The following SLC39A3 variants were observed in gnomAD, a reference collection of about 807,000 sequenced individuals.
SLC39A3 encodes zinc transporter ZIP3.
In SLC39A3, 3 loss-of-function variants were observed where a neutral mutation model predicts 5.1. The ratio of observed to expected loss-of-function variants is 0.59; its 90% CI spans 0.27 to 1.54. SLC39A3 has a LOEUF of 1.54. SLC39A3 is among the 40% of genes most tolerant of loss of function. SLC39A3 has a pLI of 0.12. For synonymous variants in SLC39A3, 250 were observed against 218.8 expected (o/e 1.14, Z -1.26); for missense variants, 412 against 436.4 (o/e 0.94, Z 0.50).
At position 2,733,065 on chromosome 19, in the gene SLC39A3, C is replaced by T. The variant is rs748696095; in HGVS notation, c.631G>A (p.Val211Met). Residue 211 changes from valine to methionine, a missense_variant, in exon 3 of 3, where the codon GTG becomes ATG. By Grantham distance (21) the Val-to-Met change is conservative. Coordinates refer to ENST00000269740, the MANE Select transcript of SLC39A3 (RefSeq NM_144564.5). The surrounding 1 kb of genome is among the most constrained non-coding windows in gnomAD (Gnocchi z 6.1). The stretch of plus-strand genomic sequence containing the variant: ...ATGCTGATGCCCAGGGCCACGGCCA[C>T]CAGTGTCTCGTGGACGGCCACCCCC... Reference protein sequence around the residue: ...FVGVAVHETLVAVALGISMAR... With the variant: ...FVGVAVHETLMAVALGISMAR... The T allele has an allele frequency of 5.6e-6, 9 of 1,610,384 alleles. No homozygotes were observed. The East Asian group carries it at 1.3e-4, about 24-fold the overall frequency.
intron 1 of SLC39A3, chr19:2,739,483 T>TC (rs1914481187): frequency 1.3e-5 from 2 of 152,284 alleles, no homozygotes; most frequent in African/African-American, 4.8e-5. Context: ...CTCAGAGCTC[T>TC]CCCCGCCCCC....
At chr19:2,736,268 G>A (rs1471799519) in intron 2 of SLC39A3, 4 of 890,302 alleles carry the variant, frequency 4.5e-6, no homozygotes, top group Non-Finnish European at 5.4e-6. Flanking sequence ...AGTATGGGAA[G>A]GACTTGAACT....
chr19:2,736,917 T>C lies in SLC39A3; in HGVS notation c.210+131A>G, dbSNP rs141944467. The C allele has an allele frequency of 1.7e-4, 259 of 1,540,324 alleles. 3 individuals are homozygous for C. In the East Asian group the frequency reaches 6.3e-3, roughly 37 times the overall value. Reference sequence around the variant, plus strand: ...ACCAGTTCACAATCACACAGCAAATTCACTTCCTACTTTCCGTCACCCTTA... The same window carrying C: ...ACCAGTTCACAATCACACAGCAAATCCACTTCCTACTTTCCGTCACCCTTA... On this transcript the variant is annotated intron_variant, in intron 2 of 2. Coordinates refer to ENST00000269740, the MANE Select transcript of SLC39A3 (RefSeq NM_144564.5).
At position 2,738,856 on chromosome 19, in the gene SLC39A3, G is replaced by A. The variant is rs1030461523; in HGVS notation, c.-123+1089C>T. ...GGAGGCTGAGGCAGGAGAATCACTTGAACCCAGGAGGTGGAGGTTGCAGTG... is the reference window on the plus strand; with the variant it reads ...GGAGGCTGAGGCAGGAGAATCACTTAAACCCAGGAGGTGGAGGTTGCAGTG... On this transcript the variant is annotated intron_variant, in intron 1 of 2. Transcript: ENST00000269740. Among the ~76,000 whole-genome samples, 6 of 151,446 alleles carry A rather than the reference G, an allele frequency of 4.0e-5. No individual in the cohort carries two copies. In the East Asian group the frequency reaches 5.8e-4, roughly 15 times the overall value.
At position 2,733,590 on chromosome 19, in the gene SLC39A3, G is replaced by T. The variant is rs371499085; in HGVS notation, c.211-105C>A. ...TTCAAAGCAAAGTCCAGAAATCCCC[G>T]ATTCACACAGAGGTTAAAACAAGTG... On this transcript the variant is annotated intron_variant, in intron 2 of 2. Transcript: ENST00000269740. This position sits in a 1 kb window ranked among gnomAD's most constrained non-coding sequence, Gnocchi z 6.1. 257 of 1,406,882 alleles carry T rather than the reference G, an allele frequency of 1.8e-4. 4 individuals carry two copies. In the African/African-American group the frequency reaches 2.6e-3, roughly 14 times the overall value. The allele number at this position is 1,406,882 out of a possible 1,614,324, so 87.1% of individuals were successfully genotyped here.
intron 2 of SLC39A3, chr19:2,736,803 C>G: frequency 6.9e-7 from 1 of 1,454,352 alleles, no homozygotes; most frequent in Non-Finnish European, 9.1e-7. Flanking sequence ...GTCTGATTAT[C>G]AGGTGACAAC....
chr19:2,737,149 C>T lies in SLC39A3; in HGVS notation c.109G>A (p.Ala37Thr), dbSNP rs1313950015. Residue 37 changes from alanine to threonine, a missense_variant, in exon 2 of 3, where the codon GCC (alanine) becomes ACC (threonine). Ala to Thr is a moderately conservative substitution (Grantham distance 58). Transcript: ENST00000269740. ...GAGAGGATCTTTTTCGAGCGATGGGCCTTCTCAAAATCTGTCTCGATGATC... is the reference window on the plus strand; with the variant it reads ...GAGAGGATCTTTTTCGAGCGATGGGTCTTCTCAAAATCTGTCTCGATGATC... ...VKIIETDFEK[A>T]HRSKKILSLC... The T allele has an allele frequency of 6.2e-7, 1 of 1,614,024 alleles. No individual in the cohort carries two copies. The highest frequency in any genetic ancestry group is 1.3e-5 in the African/African-American group (1 of 74,892).
Position 2,732,930 on chromosome 19 carries a change from C to G in SLC39A3, c.766G>C (p.Val256Leu), listed in dbSNP as rs751791563. The G allele has an allele frequency of 6.2e-7, 1 of 1,608,988 alleles. No homozygotes were observed. Among genetic ancestry groups the G allele is most frequent in the Non-Finnish European group, 8.5e-7 (1 of 1,177,906 alleles). ...LGLGIESAQG[V>L]PGSVASVLLQ... Reference sequence around the variant, plus strand: ...AGCACGGACGCCACGCTGCCCGGCACGCCCTGGGCGCTCTCAATGCCCAGG... The same window carrying G: ...AGCACGGACGCCACGCTGCCCGGCAGGCCCTGGGCGCTCTCAATGCCCAGG... Residue 256 changes from valine (V) to leucine (L), a missense_variant, in exon 3 of 3, where the codon GTG becomes CTG. By Grantham distance (32) the Val-to-Leu change is conservative (BLOSUM62 1). Transcript: ENST00000269740.
At position 2,734,079 on chromosome 19, in the gene SLC39A3, G is replaced by C. The variant is rs1011504130; in HGVS notation, c.211-594C>G. On this transcript the variant is annotated intron_variant, in intron 2 of 2. Coordinates refer to ENST00000269740, the MANE Select transcript of SLC39A3 (RefSeq NM_144564.5). This position sits in a 1 kb window ranked among gnomAD's most constrained non-coding sequence, Gnocchi z 4.6. ...TAGCGAGGGGAGACTTTGGTGGGGA[G>C]AAACTAGACGTGGGTCAGACGGGAG... 6.6e-6 allele frequency among the ~76,000 whole-genome samples: 1 copy of C among 152,230 alleles called. No homozygotes were observed. Among genetic ancestry groups the C allele is most frequent in the African/African-American group, 2.4e-5 (1 of 41,456 alleles).
In SLC39A3 at chr19:2,734,768, G is replaced by T. The variant is rs1914306564; in HGVS notation, c.211-1283C>A. The T allele has an allele frequency of 1.0e-6, 1 of 985,472 alleles. No homozygotes were observed. The highest frequency in any genetic ancestry group is 4.7e-5 in the South Asian group (1 of 21,284). The allele number at this position is 985,472 out of a possible 1,614,324, so 61.0% of individuals were successfully genotyped here. The stretch of plus-strand genomic sequence containing the variant: ...GGGTGAGCCTCTGCTGCAGCAGAAG[G>T]CTGTGTTTCCACGGAGAAGCCACTT... On this transcript the variant is annotated intron_variant, in intron 2 of 2. Coordinates refer to ENST00000269740, the MANE Select transcript of SLC39A3 (RefSeq NM_144564.5). The surrounding 1 kb of genome is among the most constrained non-coding windows in gnomAD (Gnocchi z 4.6).
chr19:2,734,089 G>A lies in SLC39A3; in HGVS notation c.211-604C>T, dbSNP rs1021595565. Among the ~76,000 whole-genome samples, 1 of 152,240 alleles carries A rather than the reference G, an allele frequency of 6.6e-6. No individual in the cohort carries two copies. Among genetic ancestry groups the A allele is most frequent in the Admixed American group, 6.5e-5 (1 of 15,288 alleles). ...AGACTTTGGTGGGGAGAAACTAGAC[G>A]TGGGTCAGACGGGAGCCGCAGGGCG... is the stretch of plus-strand genomic sequence containing the variant. On this transcript the variant is annotated intron_variant, in intron 2 of 2. Coordinates refer to ENST00000269740, the MANE Select transcript of SLC39A3 (RefSeq NM_144564.5). The surrounding 1 kb of genome is among the most constrained non-coding windows in gnomAD (Gnocchi z 4.6).
At chr19:2,737,443 G>C in intron 1 of SLC39A3, 64 bp from the exon 2 acceptor site, 1 of 1,139,394 alleles carries the variant, frequency 8.8e-7, no homozygotes, top group Non-Finnish European at 1.2e-6. Context: ...TTTAGACAGA[G>C]TCTCGCTCTG....
chr19:2,733,492 C>A lies in SLC39A3; in HGVS notation c.211-7G>T. On this transcript the variant is annotated splice_region_variant and splice_polypyrimidine_tract_variant and intron_variant, in intron 2 of 2. Coordinates refer to ENST00000269740, the MANE Select transcript of SLC39A3 (RefSeq NM_144564.5). This position sits in a 1 kb window ranked among gnomAD's most constrained non-coding sequence, Gnocchi z 6.1. ...GGCTCAGGACCTTCTGGAGCTGCAG[C>A]CGGGGACACCCGAGAGAGAGAGAGA... The A allele has an allele frequency of 6.2e-7, 1 of 1,602,814 alleles. No homozygotes were observed. The highest frequency in any genetic ancestry group is 8.5e-7 in the Non-Finnish European group (1 of 1,173,782).
rs1041035648 is a variant in SLC39A3 at position 2,736,849 on chromosome 19, C to G, written c.210+199G>C. 2.0e-6 allele frequency: 3 copies of G among 1,481,626 alleles called. No individual in the cohort carries two copies. In the African/African-American group the frequency reaches 4.2e-5, roughly 21 times the overall value. 91.8% of individuals were successfully genotyped at this position (1,481,626 alleles called of 1,614,324 possible). On this transcript the variant is annotated intron_variant, in intron 2 of 2. Coordinates refer to ENST00000269740, the MANE Select transcript of SLC39A3 (RefSeq NM_144564.5). ...ACCTGTTGGGAATCCCAGGTCTGGT[C>G]CAAACCCCTTGTTTGGCCGGTAGAG...
At position 2,733,245 on chromosome 19, in the gene SLC39A3, G is replaced by C; in HGVS notation, c.451C>G (p.His151Asp). The C allele has an allele frequency of 1.2e-6, 2 of 1,609,658 alleles. No individual in the cohort carries two copies. The highest frequency in any genetic ancestry group is 1.7e-6 in the Non-Finnish European group (2 of 1,178,010). Residue 151 changes from histidine (H) to aspartate (D), a missense_variant, in exon 3 of 3, where the codon CAC becomes GAC. Coordinates refer to ENST00000269740, the MANE Select transcript of SLC39A3 (RefSeq NM_144564.5). The surrounding 1 kb of genome is among the most constrained non-coding windows in gnomAD (Gnocchi z 6.1). The stretch of plus-strand genomic sequence containing the variant: ...ACGCTCAGGCTGGGGCCGTGGCCGT[G>C]GGGCTCCACGTACAGCGCGTGGCCC... ...ARGHALYVEPHGHGPSLSVQG... is the reference protein window; with the variant it reads ...ARGHALYVEPDGHGPSLSVQG...
Position 2,732,884 on chromosome 19 carries a change from C to G in SLC39A3, c.812G>C (p.Gly271Ala), listed in dbSNP as rs1281724327. Residue 271 changes from glycine (G) to alanine (A), a missense_variant, in exon 3 of 3, where the codon GGC becomes GCC. Physicochemically the swap from Gly to Ala is moderately conservative, Grantham distance 60. Coordinates refer to ENST00000269740, the MANE Select transcript of SLC39A3 (RefSeq NM_144564.5). ...ASVLLQGLAG[G>A]TFLFITFLEI... is the part of the protein sequence containing the mutation. ...CAGGAAGGTGATGAAGAGGAAGGTG[C>G]CGCCCGCCAGGCCCTGCAGCAGCAC... The G allele has an allele frequency of 6.2e-7, 1 of 1,611,896 alleles. No individual in the cohort carries two copies. Among genetic ancestry groups the G allele is most frequent in the Non-Finnish European group, 8.5e-7 (1 of 1,179,390 alleles).
Position 2,736,939 on chromosome 19 carries a change from C to T in SLC39A3, c.210+109G>A, listed in dbSNP as rs767599589. The stretch of plus-strand genomic sequence containing the variant: ...AATTCACTTCCTACTTTCCGTCACC[C>T]TTACAGCATCAAGGCCTTCACTGAA... On this transcript the variant is annotated intron_variant, in intron 2 of 2. Coordinates refer to ENST00000269740, the MANE Select transcript of SLC39A3 (RefSeq NM_144564.5). 10 of 1,561,850 alleles carry T rather than the reference C, an allele frequency of 6.4e-6. No individual in the cohort carries two copies. In the African/African-American group the frequency reaches 1.4e-4, roughly 21 times the overall value.
chr19:2,734,532 GAA>G lies in SLC39A3; in HGVS notation c.211-1049_211-1048del. ...CCGTGTGGACACCTGGCAATGTCTG[GAA>G]ACATTTTTTATTTTCACAACTCGGG... On this transcript the variant is annotated intron_variant, in intron 2 of 2. Transcript: ENST00000269740. This position sits in a 1 kb window ranked among gnomAD's most constrained non-coding sequence, Gnocchi z 4.6. 6.0e-6 allele frequency: 1 copy of G among 165,350 alleles called. No individual in the cohort carries two copies. The highest frequency in any genetic ancestry group is 2.0e-4 in the South Asian group (1 of 5,056). The allele number at this position is 165,350 out of a possible 1,614,324, so 10.2% of individuals were successfully genotyped here. A position where few individuals can be genotyped will look rare whatever the true frequency, so the allele number is the denominator to read the frequency against.
chr19:2,733,533 G>A lies in SLC39A3; in HGVS notation c.211-48C>T, dbSNP rs746728664. On this transcript the variant is annotated intron_variant, in intron 2 of 2. Transcript: ENST00000269740. The surrounding 1 kb of genome is among the most constrained non-coding windows in gnomAD (Gnocchi z 6.1). ...GAGAGAGAGAGACCCACGCTCAGGG[G>A]TGGCGGCGACAGGGCTGGCCAGATG... is the stretch of plus-strand genomic sequence containing the variant. The A allele has an allele frequency of 6.4e-7, 1 of 1,558,758 alleles. No homozygotes were observed.
Sources: gnomAD v4.1 joint callset for allele counts (sites outside exome capture counted in the v4.1 genomes callset) on GRCh38, gnomAD v4.1.1 for gene constraint, Gnocchi (gnomAD v3.1) non-coding constraint, MANE v1.5 for transcripts, NCBI Gene and HGNC (gene_info 2026-07-23, HGNC 2026-07-21) for gene names.